The following IDI2 variants were observed in gnomAD, a reference collection of about 807,000 sequenced individuals.
The protein encoded by IDI2 is isopentenyl-diphosphate delta-isomerase 2.
Under a neutral mutation model 14.8 loss-of-function variants are expected in IDI2, and 18 were observed. The ratio of observed to expected loss-of-function variants is 1.22; its 90% CI spans 0.84 to 1.80. The LOEUF (loss-of-function observed/expected upper bound fraction) is 1.80. Ranked by LOEUF, IDI2 falls within the 40% of genes most tolerant of loss-of-function variation. The pLI, the probability that IDI2 is intolerant of heterozygous loss-of-function variation, is 0.00. For missense variants in IDI2, 316 were observed against 283.2 expected (o/e 1.12, Z -0.83); for synonymous variants, 133 against 109.6 (o/e 1.21, Z -1.33).
intron 1 of IDI2, 54 bp from the exon 2 acceptor site, chr10:1,024,798 T>C: frequency 6.3e-7 from 1 of 1,577,250 alleles, no homozygotes. Context: ...GCCATCTCGT[T>C]TTTGCTATGT....
chr10:1,025,010 C>CCACACACACACACACACACACA (rs72086728), intron 1 of IDI2, among the ~76,000 whole-genome samples: 2 of 145,058 alleles, frequency 1.4e-5, no homozygotes, highest in Non-Finnish European at 3.0e-5. Context: ...CCCCGCCCCA[C>CCACACACACACACACACACACA]CACACACACA....
At chr10:1,019,936 A>T in intron 4 of IDI2, 102 bp from the exon 5 acceptor site, 3 of 933,360 alleles carry the variant, frequency 3.2e-6, no homozygotes, top group Non-Finnish European at 3.3e-6. Flanking sequence ...CAGAAAATGA[A>T]CACTTTCTTT....
chr10:1,025,157 C>CA (rs1832193528), intron 1 of IDI2, among the ~76,000 whole-genome samples: 1 of 152,172 alleles, frequency 6.6e-6, no homozygotes, highest in South Asian at 2.1e-4. Flanking sequence ...TGGAGAAACA[C>CA]ACAGCCTTGT....
At chr10:1,023,475 CAAAAA>C (rs1167849191) in intron 2 of IDI2, among the ~76,000 whole-genome samples, 7 of 76,204 alleles carry the variant, frequency 9.2e-5, no homozygotes, top group Admixed American at 3.1e-4. Flanking sequence ...GACTCTGTCT[CAAAAA>C]AAAAAAAAAA....
In IDI2 at chr10:1,021,064, C is replaced by T. The variant is rs537230540; in HGVS notation, c.236-167G>A. ...TCTCAGAGCAGCACTCGCCTCCAGC[C>T]TCCACGGCTGTGGGCTTGGTGAGGG... On this transcript the variant is annotated intron_variant, in intron 3 of 4. Coordinates refer to ENST00000277517, the MANE Select transcript of IDI2 (RefSeq NM_033261.3). Among the ~76,000 whole-genome samples the T allele has an allele frequency of 7.9e-5, 12 of 152,396 alleles. 1 individual carries two copies. The East Asian group carries it at 1.3e-3, about 17-fold the overall frequency.
intron 3 of IDI2, among the ~76,000 whole-genome samples, chr10:1,021,571 C>T (rs1171522071): frequency 6.6e-6 from 1 of 152,190 alleles, no homozygotes; most frequent in Non-Finnish European, 1.5e-5. Flanking sequence ...AGCTGGTACT[C>T]CCACCTGCCC....
At chr10:1,025,007 C>T (rs1213629463) in intron 1 of IDI2, among the ~76,000 whole-genome samples, 1 of 118,160 alleles carries the variant, frequency 8.5e-6, no homozygotes, top group Non-Finnish European at 1.7e-5. Context: ...AATCCCCGCC[C>T]CACCACACAC....
At chr10:1,020,732 C>T (rs778452921) in intron 4 of IDI2, 35 bp downstream of exon 4, 1 of 1,583,144 alleles carries the variant, frequency 6.3e-7, no homozygotes, top group Non-Finnish European at 8.6e-7. Flanking sequence ...ACCTGGACTC[C>T]CGTGGACACA....
Position 1,024,715 on chromosome 10 carries a change from G to A in IDI2, c.9C>T (p.Asp3=). 6.2e-7 allele frequency: 1 copy of A among 1,614,100 alleles called. No homozygotes were observed. Among genetic ancestry groups the A allele is most frequent in the South Asian group, 1.1e-5 (1 of 91,078 alleles). Residue 3 remains aspartate, a synonymous_variant, in exon 2 of 5, where the codon GAC becomes GAT. Transcript: ENST00000277517. MS[D]INLDWVDRRQ... is the part of the protein sequence containing the mutation. ...GCCTGTCAACCCAGTCAAGATTTAT[G>A]TCAGACATAGCTGCTGGCTGTGACC... is the stretch of plus-strand genomic sequence containing the variant.
In IDI2 at chr10:1,019,765, C is replaced by G. The variant is rs780341800; in HGVS notation, c.436G>C (p.Glu146Gln). Residue 146 changes from glutamate to glutamine, a missense_variant, in exon 5 of 5, where the codon GAG becomes CAG. Physicochemically the swap from Glu to Gln is conservative, Grantham distance 29. Transcript: ENST00000277517. ...AGCAGAAGGTAACAAATTTCATGCT[C>G]TCCCCAAATTCTGTCTGATTTTGCC... is the stretch of plus-strand genomic sequence containing the variant. ...HKAKSDRIWG[E>Q]HEICYLLLVR... 2 of 1,613,884 alleles carry G rather than the reference C, an allele frequency of 1.2e-6. No individual in the cohort carries two copies. The highest frequency in any genetic ancestry group is 1.3e-5 in the African/African-American group (1 of 74,876).
At chr10:1,021,270 G>C (rs1832094091) in intron 3 of IDI2, among the ~76,000 whole-genome samples, 1 of 152,252 alleles carries the variant, frequency 6.6e-6, no homozygotes, top group Non-Finnish European at 1.5e-5. Context: ...GAGGTGGTGG[G>C]GCTGTGGGCT....
At chr10:1,023,399 C>T (rs1832151112) in intron 2 of IDI2, among the ~76,000 whole-genome samples, 1 of 151,634 alleles carries the variant, frequency 6.6e-6, no homozygotes, top group African/African-American at 2.4e-5. Flanking sequence ...TGGCATGAAC[C>T]CAGGAGGCAG....
At position 1,020,823 on chromosome 10, in the gene IDI2, C is replaced by G. The variant is rs370253572; in HGVS notation, c.310G>C (p.Val104Leu). ...AELEEKDAIGVRRAAQRRLQA... is the reference protein window; with the variant it reads ...AELEEKDAIGLRRAAQRRLQA... ...AGACGCCTCTGGGCTGCCCTCCTCA[C>G]TCCGATGGCATCCTTTTCTTCCAGT... The change falls in exon 4 of 5, where the codon GTG (valine) becomes CTG (leucine). Residue 104 changes from valine (V) to leucine (L), a missense_variant. Val to Leu is a conservative substitution (Grantham distance 32). Transcript: ENST00000277517. 1.9e-6 allele frequency: 3 copies of G among 1,614,046 alleles called. No individual in the cohort carries two copies. In the South Asian group the frequency reaches 3.3e-5, roughly 18 times the overall value.
At chr10:1,020,004 G>A in intron 4 of IDI2, 170 bp from the exon 5 acceptor site, 1 of 616,086 alleles carries the variant, frequency 1.6e-6, no homozygotes, top group Non-Finnish European at 2.8e-6. Flanking sequence ...GTGGACTCAA[G>A]TCTGAATGAT....
chr10:1,023,083 G>A (rs941363587), intron 2 of IDI2, among the ~76,000 whole-genome samples: 9 of 152,188 alleles, frequency 5.9e-5, no homozygotes, highest in Non-Finnish European at 1.0e-4. Context: ...CACCATTTAC[G>A]ACAGCCAAGA....
In IDI2 at chr10:1,019,156, G is replaced by A; in HGVS notation, c.*361C>T. ...TGACCTTGGAGGCTTGGATAAAGCT[G>A]TGGGGAGACAGCCTCATGGTCCAGC... On this transcript the variant is annotated 3_prime_UTR_variant, in exon 5 of 5. Transcript: ENST00000277517. The A allele has an allele frequency of 4.9e-6, 1 of 202,484 alleles. No individual in the cohort carries two copies. Among genetic ancestry groups the A allele is most frequent in the Admixed American group, 5.3e-5 (1 of 18,912 alleles). The allele number at this position is 202,484 out of a possible 1,614,324, so 12.5% of individuals were successfully genotyped here. A position where few individuals can be genotyped will look rare whatever the true frequency, so the allele number is the denominator to read the frequency against.
intron 4 of IDI2, 33 bp from the exon 5 acceptor site, chr10:1,019,867 G>A (rs372462801): frequency 2.1e-6 from 3 of 1,441,780 alleles, no homozygotes; most frequent in Admixed American, 1.7e-5. Flanking sequence ...TGTTAACAAC[G>A]CTAATGTAAA....
Position 1,022,695 on chromosome 10 carries a change from C to T in IDI2, c.223G>A (p.Val75Ile), listed in dbSNP as rs769279553. Residue 75 changes from valine to isoleucine, a missense_variant, in exon 3 of 5, where the codon GTC becomes ATC. Transcript: ENST00000277517. ...ILIQQRSDTK[V>I]TFPGYFTDSC... Reference sequence around the variant, plus strand: ...TGAACGGACTCACCAGGAAACGTGACTTTCGTGTCCGACCTCTGCTGTATC... The same window carrying T: ...TGAACGGACTCACCAGGAAACGTGATTTTCGTGTCCGACCTCTGCTGTATC... 1.7e-5 allele frequency: 27 copies of T among 1,613,690 alleles called. No homozygotes were observed. In the Middle Eastern group the frequency reaches 4.9e-4, roughly 29 times the overall value.
Position 1,024,681 on chromosome 10 carries a change from G to A in IDI2, c.43C>T (p.Gln15Ter), listed in dbSNP as rs149741269. The A allele has an allele frequency of 5.4e-5, 87 of 1,614,184 alleles. 1 individual carries two copies. In the African/African-American group the frequency reaches 9.2e-4, roughly 17 times the overall value. The change falls in exon 2 of 5, where the codon CAG (glutamine) becomes TAG (stop). Residue 15 changes from glutamine to a stop codon, truncating the protein, a stop_gained. Coordinates refer to ENST00000277517, the MANE Select transcript of IDI2 (RefSeq NM_033261.3). LOFTEE classifies it high-confidence loss of function. ...NLDWVDRRQL[Q>*]RLEEMLIVVD... ...ACAATCAGCATTTCCTCCAAGCGCT[G>A]CAACTGACGCCTGTCAACCCAGTCA...
Sources: gnomAD v4.1 joint callset for allele counts (sites outside exome capture counted in the v4.1 genomes callset) on GRCh38, gnomAD v4.1.1 for gene constraint, MANE v1.5 for transcripts, NCBI Gene and HGNC (gene_info 2026-07-23, HGNC 2026-07-21) for gene names.